CRISPLD2: variants seen among roughly 807,000 people sequenced by gnomAD.
CRISPLD2 encodes the protein cysteine-rich secretory protein LCCL domain-containing 2.
Under a neutral mutation model 71.1 loss-of-function variants are expected in CRISPLD2, and 47 were observed. That is an observed-to-expected ratio of 0.66 (90% confidence interval 0.52 to 0.84). The LOEUF is 0.84. CRISPLD2 is among the 40% of genes least tolerant of loss of function. CRISPLD2 has a pLI of 0.00. For synonymous variants in CRISPLD2, 317 were observed against 250.1 expected (o/e 1.27, Z -2.52); for missense variants, 830 against 651.1 (o/e 1.27, Z -2.99).
rs1177900560 is a variant in CRISPLD2 at position 84,907,332 on chromosome 16, G to A, written c.*690G>A. The A allele has an allele frequency of 6.5e-6, 1 of 152,894 alleles. No individual in the cohort carries two copies. Among genetic ancestry groups the A allele is most frequent in the Non-Finnish European group, 1.5e-5 (1 of 68,602 alleles). The allele number at this position is 152,894 out of a possible 1,614,324, so 9.5% of individuals were successfully genotyped here. A position where few individuals can be genotyped will look rare whatever the true frequency, so the allele number is the denominator to read the frequency against. ...GCAGTGCTGGTTTATGTAGAGTTCA[G>A]CAGTCACTTCAGAGATGTATCTTGT... On this transcript the variant is annotated 3_prime_UTR_variant, in exon 15 of 15. Transcript: ENST00000262424.
intron 2 of CRISPLD2, chr16:84,839,244 CTGCCTCGT>C: frequency 3.3e-6 from 1 of 306,964 alleles, no homozygotes. Context: ...TGTGCAGAGC[CTGCCTCGT>C]TGCCTTCATG....
chr16:84,903,132 A>G (rs2071770169), intron 14 of CRISPLD2, among the ~76,000 whole-genome samples: 1 of 152,050 alleles, frequency 6.6e-6, no homozygotes, highest in African/African-American at 2.4e-5. Context: ...CTCCGATCTG[A>G]TTTGGTTTGG....
chr16:84,877,427 C>T lies in CRISPLD2; in HGVS notation c.1157-11C>T, dbSNP rs777002681. 2 of 1,613,358 alleles carry T rather than the reference C, an allele frequency of 1.2e-6. No individual in the cohort carries two copies. Among genetic ancestry groups the T allele is most frequent in the African/African-American group, 1.3e-5 (1 of 74,888 alleles). ...GGGACCTGACCCTTTCCCCCTTGCT[C>T]CTGTTCACAGTGCAGGATTTGGACT... On this transcript the variant is annotated splice_polypyrimidine_tract_variant and intron_variant, in intron 11 of 14. Transcript: ENST00000262424.
chr16:84,822,691 T>C (rs1916258154), intron 1 of CRISPLD2, among the ~76,000 whole-genome samples: 2 of 152,132 alleles, frequency 1.3e-5, no homozygotes, highest in Admixed American at 6.5e-5. Context: ...CTTCAGTTCA[T>C]TGAGTGGAAC....
At chr16:84,888,106 A>G (rs942389221) in intron 13 of CRISPLD2, among the ~76,000 whole-genome samples, 3 of 152,232 alleles carry the variant, frequency 2.0e-5, no homozygotes, top group Non-Finnish European at 4.4e-5. Context: ...TGTGGGTGTC[A>G]CCAGGCTAAA....
intron 2 of CRISPLD2, 120 bp from the exon 3 acceptor site, chr16:84,845,666 A>C: frequency 1.4e-6 from 1 of 725,798 alleles, no homozygotes. Context: ...CCAGCAATAC[A>C]GCAGCAGAGC....
chr16:84,861,010 G>A (rs1481737685), intron 6 of CRISPLD2, among the ~76,000 whole-genome samples: 1 of 152,138 alleles, frequency 6.6e-6, no homozygotes, highest in South Asian at 2.1e-4. Context: ...TATGTTCCTT[G>A]GTTCTCCACA....
chr16:84,896,623 G>A (rs893430762), intron 14 of CRISPLD2, among the ~76,000 whole-genome samples: 3 of 152,074 alleles, frequency 2.0e-5, no homozygotes, highest in East Asian at 1.9e-4. Context: ...CTGAGCACAC[G>A]GAAGGTAGGC....
chr16:84,884,003 C>G (rs1429059545), intron 13 of CRISPLD2, among the ~76,000 whole-genome samples: 3 of 152,096 alleles, frequency 2.0e-5, no homozygotes, highest in African/African-American at 7.2e-5. Flanking sequence ...GCCACCCACA[C>G]CCAGCTAATC....
At chr16:84,874,299 G>A (rs2071500298) in intron 11 of CRISPLD2, among the ~76,000 whole-genome samples, 1 of 152,214 alleles carries the variant, frequency 6.6e-6, no homozygotes, top group South Asian at 2.1e-4. Flanking sequence ...GGAGTGTTGT[G>A]TTAAGAAGGA....
chr16:84,881,499 T>C (rs1275139893), intron 13 of CRISPLD2, among the ~76,000 whole-genome samples: 2 of 152,212 alleles, frequency 1.3e-5, no homozygotes, highest in African/African-American at 2.4e-5. Flanking sequence ...CCACTTCTGC[T>C]GCCAGCAGGC....
chr16:84,866,061 G>A (rs941096275), intron 6 of CRISPLD2, among the ~76,000 whole-genome samples: 2 of 152,068 alleles, frequency 1.3e-5, no homozygotes, highest in East Asian at 1.9e-4. Flanking sequence ...GGAGAGAAGG[G>A]ATGGAAGTGG....
chr16:84,904,908 G>A (rs1272732560), intron 14 of CRISPLD2, among the ~76,000 whole-genome samples: 1 of 152,180 alleles, frequency 6.6e-6, no homozygotes, highest in African/African-American at 2.4e-5. Context: ...TGCTAGATAT[G>A]ACGCCAAAAG....
chr16:84,900,318 A>G (rs2071742118), intron 14 of CRISPLD2, among the ~76,000 whole-genome samples: 1 of 152,128 alleles, frequency 6.6e-6, no homozygotes, highest in African/African-American at 2.4e-5. Context: ...GCAGCCTGAG[A>G]GGGCCGGGGT....
intron 13 of CRISPLD2, among the ~76,000 whole-genome samples, chr16:84,886,049 C>T (rs562447843): frequency 7.4e-4 from 112 of 152,040 alleles, no homozygotes; most frequent in Admixed American, 2.0e-3. Flanking sequence ...TTGATCCATG[C>T]CCAGCTAATT....
chr16:84,845,664 A>G, intron 2 of CRISPLD2, 122 bp from the exon 3 acceptor site: 1 of 717,996 alleles, frequency 1.4e-6, no homozygotes, highest in Non-Finnish European at 2.4e-6. Context: ...ACCCAGCAAT[A>G]CAGCAGCAGA....
chr16:84,872,644 G>C lies in CRISPLD2; in HGVS notation c.981+136G>C, dbSNP rs116554813. 6.3e-4 allele frequency: 499 copies of C among 793,260 alleles called. 1 individual carries two copies. The African/African-American group carries it at 8.0e-3, about 13-fold the overall frequency. The allele number at this position is 793,260 out of a possible 1,614,324, so 49.1% of individuals were successfully genotyped here. A position where few individuals can be genotyped will look rare whatever the true frequency, so the allele number is the denominator to read the frequency against. ...AACCTGGCATTTCTAGAACTGGGGC[G>C]GGTGTATATTTATGGGCTTACAAAC... On this transcript the variant is annotated intron_variant, in intron 9 of 14. Coordinates refer to ENST00000262424, the MANE Select transcript of CRISPLD2 (RefSeq NM_031476.4).
chr16:84,903,936 G>C (rs2071778421), intron 14 of CRISPLD2, among the ~76,000 whole-genome samples: 1 of 152,220 alleles, frequency 6.6e-6, no homozygotes, highest in African/African-American at 2.4e-5. Flanking sequence ...GTTCTACTGG[G>C]GTGGGGCTGT....
At chr16:84,845,246 C>G (rs1916879503) in intron 2 of CRISPLD2, among the ~76,000 whole-genome samples, 1 of 152,170 alleles carries the variant, frequency 6.6e-6, no homozygotes, top group South Asian at 2.1e-4. Context: ...TTCGGAGCCC[C>G]CTGTTAGAAT....
Sources: gnomAD v4.1 joint callset for allele counts (sites outside exome capture counted in the v4.1 genomes callset) on GRCh38, gnomAD v4.1.1 for gene constraint, MANE v1.5 for transcripts, NCBI Gene and HGNC (gene_info 2026-07-23, HGNC 2026-07-21) for gene names.